ABCA13: variants seen among roughly 807,000 people sequenced by gnomAD.
ABCA13 encodes ATP-binding cassette sub-family A member 13.
A neutral mutation model predicts 478.7 loss-of-function variants in ABCA13; 476 were observed. The ratio of observed to expected loss-of-function variants is 0.99; its 90% CI spans 0.92 to 1.07. The LOEUF (loss-of-function observed/expected upper bound fraction) is 1.07. Ranked by LOEUF, ABCA13 falls within the 50% of genes least tolerant of loss-of-function variation. The pLI is 0.00. For missense variants in ABCA13, 6,060 were observed against 5,910.6 expected (o/e 1.03, Z -0.83); for synonymous variants, 2,252 against 2,158.9 (o/e 1.04, Z -1.20).
intron 1 of ABCA13, among the ~76,000 whole-genome samples, chr7:48,192,142 T>C (rs914563312): frequency 5.3e-5 from 8 of 152,036 alleles, no homozygotes; most frequent in Non-Finnish European, 8.8e-5. Flanking sequence ...TTTATGACAA[T>C]TGAGGCTTTT....
chr7:48,195,286 A>G (rs1412331378), intron 2 of ABCA13, among the ~76,000 whole-genome samples: 1 of 152,226 alleles, frequency 6.6e-6, no homozygotes, highest in Non-Finnish European at 1.5e-5. Context: ...GCAAGGTCAT[A>G]ATAAAATGAG....
At chr7:48,555,302 G>C (rs544226654) in intron 55 of ABCA13, among the ~76,000 whole-genome samples, 16 of 151,504 alleles carry the variant, frequency 1.1e-4, no homozygotes, top group Non-Finnish European at 2.1e-4. Flanking sequence ...TTCTTTTTTT[G>C]ATATATTGTC....
intron 55 of ABCA13, among the ~76,000 whole-genome samples, chr7:48,553,549 C>G (rs1785514739): frequency 6.6e-6 from 1 of 151,988 alleles, no homozygotes; most frequent in Non-Finnish European, 1.5e-5. Context: ...GTTTGCATTT[C>G]TCTGATGATG....
At chr7:48,608,810 G>T (rs1040887194) in intron 58 of ABCA13, among the ~76,000 whole-genome samples, 2 of 152,174 alleles carry the variant, frequency 1.3e-5, no homozygotes, top group Non-Finnish European at 2.9e-5. Flanking sequence ...TTCTTAGATT[G>T]TGGTATGCTT....
In ABCA13 at chr7:48,417,464, C is replaced by T. The variant is rs946385079; in HGVS notation, c.12459+4881C>T. On this transcript the variant is annotated intron_variant, in intron 41 of 61. Transcript: ENST00000435803. ...GCATTTATGTTTCATCACTTCCTGTCGGGGACAATCTGGACAAATCACTTA... is the reference window on the plus strand; with the variant it reads ...GCATTTATGTTTCATCACTTCCTGTTGGGGACAATCTGGACAAATCACTTA... 3.9e-5 allele frequency among the ~76,000 whole-genome samples: 6 copies of T among 152,154 alleles called. No individual in the cohort carries two copies. In the East Asian group the frequency reaches 5.8e-4, roughly 15 times the overall value.
At chr7:48,416,094 T>C (rs1171227716) in intron 41 of ABCA13, among the ~76,000 whole-genome samples, 1 of 152,228 alleles carries the variant, frequency 6.6e-6, no homozygotes, top group Non-Finnish European at 1.5e-5. Context: ...TGCTGTTTCA[T>C]GTTTGCTGTG....
chr7:48,477,549 A>C (rs1388804540), intron 45 of ABCA13, among the ~76,000 whole-genome samples: 8 of 152,136 alleles, frequency 5.3e-5, no homozygotes. Flanking sequence ...ACCATGGAAT[A>C]CTATGCAGCC....
intron 41 of ABCA13, among the ~76,000 whole-genome samples, chr7:48,427,244 C>T (rs535071845): frequency 6.6e-6 from 1 of 152,302 alleles, no homozygotes; most frequent in South Asian, 2.1e-4. Flanking sequence ...GCCTCCACTA[C>T]TAACCAAGAA....
intron 59 of ABCA13, among the ~76,000 whole-genome samples, chr7:48,622,583 C>T (rs1198090592): frequency 6.6e-6 from 1 of 152,162 alleles, no homozygotes; most frequent in African/African-American, 2.4e-5. Context: ...GCCTTTCTAG[C>T]CTATAGATAT....
intron 25 of ABCA13, among the ~76,000 whole-genome samples, 196 bp from the exon 26 acceptor site, chr7:48,314,036 A>T (rs1238176222): frequency 6.6e-6 from 1 of 151,664 alleles, no homozygotes; most frequent in Non-Finnish European, 1.5e-5. Flanking sequence ...TCTACCAGGT[A>T]TGTTGGCCAG....
chr7:48,306,387 T>C (rs1016608098), intron 23 of ABCA13, among the ~76,000 whole-genome samples: 12 of 152,236 alleles, frequency 7.9e-5, no homozygotes, highest in African/African-American at 2.7e-4. Flanking sequence ...AGGACTCTCA[T>C]TGGGCCAGCT....
At chr7:48,280,218 C>T (rs1796853384) in intron 18 of ABCA13, among the ~76,000 whole-genome samples, 1 of 152,208 alleles carries the variant, frequency 6.6e-6, no homozygotes, top group African/African-American at 2.4e-5. Flanking sequence ...AGACTAGTTG[C>T]ATAAACAATT....
chr7:48,635,156 C>G (rs530794142), intron 59 of ABCA13, among the ~76,000 whole-genome samples: 24 of 150,786 alleles, frequency 1.6e-4, no homozygotes, highest in African/African-American at 5.4e-4. Flanking sequence ...TCCCAATTGC[C>G]TTTCACCACA....
chr7:48,293,449 T>G (rs958581157), intron 20 of ABCA13, among the ~76,000 whole-genome samples: 1 of 152,234 alleles, frequency 6.6e-6, no homozygotes, highest in East Asian at 1.9e-4. Flanking sequence ...TTGACCTACA[T>G]ATGATACCTT....
intron 15 of ABCA13, among the ~76,000 whole-genome samples, chr7:48,252,650 ATCTC>A (rs984325468): frequency 6.6e-6 from 1 of 152,116 alleles, no homozygotes; most frequent in African/African-American, 2.4e-5. Context: ...TATGACTGTA[ATCTC>A]TCTCTCTTTG....
At position 48,274,634 on chromosome 7, in the gene ABCA13, T is replaced by G; in HGVS notation, c.4968T>G (p.Tyr1656Ter). ...VHHTSPQNAGYMQALKKVTSV... is the reference protein window; with the variant it reads ...VHHTSPQNAG ...ACACTAGTCCACAAAATGCAGGTTA[T>G]ATGCAAGCTTTGAAGAAGGTAACTT... is the stretch of plus-strand genomic sequence containing the variant. Residue 1656 changes from tyrosine (Y) to a stop codon, truncating the protein, a stop_gained, in exon 17 of 62, where the codon TAT (tyrosine) becomes TAG (stop). Coordinates refer to ENST00000435803, the MANE Select transcript of ABCA13 (RefSeq NM_152701.5). LOFTEE classifies it high-confidence loss of function. 1 of 1,613,996 alleles carries G rather than the reference T, an allele frequency of 6.2e-7. No individual in the cohort carries two copies.
At chr7:48,402,849 G>T (rs903080081) in intron 38 of ABCA13, among the ~76,000 whole-genome samples, 20 of 152,214 alleles carry the variant, frequency 1.3e-4, no homozygotes, top group Non-Finnish European at 2.9e-4. Context: ...AAACATGCCT[G>T]CAGCTCCGAG....
chr7:48,571,129 T>C (rs1787603508), intron 55 of ABCA13, among the ~76,000 whole-genome samples: 2 of 152,190 alleles, frequency 1.3e-5, no homozygotes, highest in South Asian at 4.1e-4. Flanking sequence ...CAAATTACAT[T>C]TTTAGAGATT....
chr7:48,536,316 G>T (rs1321305610), intron 55 of ABCA13, among the ~76,000 whole-genome samples: 1 of 151,970 alleles, frequency 6.6e-6, no homozygotes, highest in Non-Finnish European at 1.5e-5. Context: ...TATTTTGTTG[G>T]CAATTTTATA....
Sources: gnomAD v4.1 joint callset for allele counts (sites outside exome capture counted in the v4.1 genomes callset) on GRCh38, gnomAD v4.1.1 for gene constraint, MANE v1.5 for transcripts, NCBI Gene and HGNC (gene_info 2026-07-23, HGNC 2026-07-21) for gene names.